Variants in SAMD3 observed in about 807,000 individuals in gnomAD.
SAMD3 encodes sterile alpha motif domain-containing protein 3.
SAMD3 carries 63 observed loss-of-function variants against 58.5 expected under a neutral mutation model. The ratio of observed to expected loss-of-function variants is 1.08; its 90% CI spans 0.88 to 1.33. The LOEUF (loss-of-function observed/expected upper bound fraction) is 1.33, where lower values mean the gene tolerates loss of function less well. SAMD3 is among the 40% of genes most tolerant of loss of function. The probability of loss-of-function intolerance (pLI) is 0.00; values close to 1 mark genes in which losing one functional copy is unlikely to be tolerated. For missense variants in SAMD3, 604 were observed against 608.4 expected (o/e 0.99, Z 0.08); for synonymous variants, 220 against 210.3 (o/e 1.05, Z -0.40).
Position 130,144,815 on chromosome 6 carries a change from G to A in SAMD3, c.1279-11C>T. The A allele has an allele frequency of 6.2e-7, 1 of 1,603,670 alleles. No homozygotes were observed. Among genetic ancestry groups the A allele is most frequent in the South Asian group, 1.1e-5 (1 of 89,188 alleles). On this transcript the variant is annotated splice_polypyrimidine_tract_variant and intron_variant, in intron 11 of 11. Transcript: ENST00000439090. ...TGTGGACACTTGCACCTGAAAAAAA[G>A]AGTGGAGTCATTACCATGATACGTA...
At chr6:130,236,504 T>C (rs77803699) in intron 2 of SAMD3, among the ~76,000 whole-genome samples, 21,709 of 151,856 alleles carry the variant, frequency 0.14, 1,779 homozygotes, top group East Asian at 0.36. Flanking sequence ...CTACCTCAGC[T>C]TCCTGAGTAG....
At chr6:130,168,741 A>T (rs927251231) in intron 8 of SAMD3, among the ~76,000 whole-genome samples, 1 of 152,190 alleles carries the variant, frequency 6.6e-6, no homozygotes, top group African/African-American at 2.4e-5. Context: ...CAGTTAAAAA[A>T]TTTTAAAAGG....
chr6:130,260,525 G>A (rs534515966), intron 2 of SAMD3, among the ~76,000 whole-genome samples: 2 of 152,346 alleles, frequency 1.3e-5, no homozygotes, highest in South Asian at 2.1e-4. Context: ...TGAGACAGGA[G>A]TCTTGCCAAT....
At chr6:130,341,321 T>C (rs568893800) in intron 1 of SAMD3, among the ~76,000 whole-genome samples, 24 of 152,356 alleles carry the variant, frequency 1.6e-4, no homozygotes, top group African/African-American at 5.3e-4. Flanking sequence ...TAATGACTTT[T>C]AGAATAAAGA....
At chr6:130,275,944 T>A (rs1774760504) in intron 2 of SAMD3, among the ~76,000 whole-genome samples, 1 of 152,152 alleles carries the variant, frequency 6.6e-6, no homozygotes, top group African/African-American at 2.4e-5. Flanking sequence ...ACCTAGAATC[T>A]ATGAATATGT....
intron 2 of SAMD3, among the ~76,000 whole-genome samples, chr6:130,237,794 T>C (rs1417516822): frequency 2.0e-5 from 3 of 152,152 alleles, no homozygotes; most frequent in Non-Finnish European, 4.4e-5. Context: ...AAATGCAACC[T>C]CCAAATTGAT....
At chr6:130,322,210 G>A (rs1269955410) in intron 1 of SAMD3, among the ~76,000 whole-genome samples, 3 of 152,178 alleles carry the variant, frequency 2.0e-5, no homozygotes, top group Admixed American at 6.5e-5. Context: ...CAGGGACAGA[G>A]GCGGAATCTG....
intron 7 of SAMD3, among the ~76,000 whole-genome samples, chr6:130,177,739 C>T (rs1364058872): frequency 6.6e-6 from 1 of 152,086 alleles, no homozygotes; most frequent in Non-Finnish European, 1.5e-5. Flanking sequence ...TCCTTCACTT[C>T]CTTCCTTCCT....
At chr6:130,264,406 A>G (rs1562487831) in intron 2 of SAMD3, among the ~76,000 whole-genome samples, 1 of 152,232 alleles carries the variant, frequency 6.6e-6, no homozygotes, top group Non-Finnish European at 1.5e-5. Context: ...GAGCTTATCA[A>G]TCAGTCAGCC....
intron 1 of SAMD3, among the ~76,000 whole-genome samples, chr6:130,345,667 T>C (rs961119919): frequency 2.6e-5 from 4 of 151,582 alleles, no homozygotes; most frequent in African/African-American, 9.7e-5. Context: ...CCTTGGCACC[T>C]GTTTATTGAA....
intron 2 of SAMD3, among the ~76,000 whole-genome samples, chr6:130,239,636 C>G (rs1392269868): frequency 6.6e-6 from 1 of 152,110 alleles, no homozygotes; most frequent in Non-Finnish European, 1.5e-5. Context: ...GAAGAACAAG[C>G]AAGCAACTGG....
intron 1 of SAMD3, among the ~76,000 whole-genome samples, chr6:130,218,659 G>T (rs1796101681): frequency 6.6e-6 from 1 of 152,198 alleles, no homozygotes; most frequent in African/African-American, 2.4e-5. Context: ...GCCAATCATG[G>T]TGGATGCTTT....
At chr6:130,224,178 G>C (rs1796318962), upstream of SAMD3, among the ~76,000 whole-genome samples, 1 of 152,130 alleles carries the variant, frequency 6.6e-6, no homozygotes, top group African/African-American at 2.4e-5. Context: ...TGTCCTGCCA[G>C]TCTGTCAGTG....
chr6:130,175,971 T>C lies in SAMD3; in HGVS notation c.692A>G (p.Tyr231Cys). The change falls in exon 8 of 12, where the codon TAT (tyrosine) becomes TGT (cysteine). Residue 231 changes from tyrosine to cysteine, a missense_variant. Tyr to Cys is a radical substitution (Grantham distance 194). Transcript: ENST00000439090. Reference protein sequence around the residue: ...WKRALKDRFKYVRRPIEDDEQ... With the variant: ...WKRALKDRFKCVRRPIEDDEQ... ...ATCATCTTCTATGGGTCTTCGAACA[T>C]ATTTAAAGCGATCTTTGAGGGCTCG... 1 of 1,613,450 alleles carries C rather than the reference T, an allele frequency of 6.2e-7. No homozygotes were observed. Among genetic ancestry groups the C allele is most frequent in the Non-Finnish European group, 8.5e-7 (1 of 1,179,778 alleles).
At chr6:130,307,240 A>C (rs181048447) in intron 2 of SAMD3, among the ~76,000 whole-genome samples, 2 of 152,386 alleles carry the variant, frequency 1.3e-5, no homozygotes, top group Admixed American at 1.3e-4. Flanking sequence ...TCACAAGGGC[A>C]TGAGATCTGT....
rs1009669876 is a variant in SAMD3 at position 130,184,726 on chromosome 6, G to C, written c.384-103C>G. 32 of 899,740 alleles carry C rather than the reference G, an allele frequency of 3.6e-5. No individual in the cohort carries two copies. The South Asian group carries it at 4.6e-4, about 13-fold the overall frequency. The allele number at this position is 899,740 out of a possible 1,614,324, so 55.7% of individuals were successfully genotyped here. On this transcript the variant is annotated intron_variant, in intron 5 of 11. Transcript: ENST00000439090. ...CTTATGAAATAAACAACTTTCCTGA[G>C]ACCCAAATATATGGAAGTCATCAAG...
intron 11 of SAMD3, 62 bp from the exon 12 acceptor site, chr6:130,144,866 A>C: frequency 7.2e-7 from 1 of 1,392,658 alleles, no homozygotes; most frequent in Non-Finnish European, 9.9e-7. Context: ...AAAACATCTG[A>C]ACTTAATCAT....
chr6:130,316,522 T>TA (rs1309828085), intron 1 of SAMD3, among the ~76,000 whole-genome samples: 3 of 152,124 alleles, frequency 2.0e-5, no homozygotes, highest in Non-Finnish European at 4.4e-5. Flanking sequence ...CATGAGGGCC[T>TA]ACTGCATTCA....
intron 1 of SAMD3, among the ~76,000 whole-genome samples, chr6:130,345,159 G>A (rs1362617077): frequency 6.6e-6 from 1 of 152,182 alleles, no homozygotes; most frequent in Non-Finnish European, 1.5e-5. Context: ...TTTCTGTTCT[G>A]GGGATCAGGG....
Sources: allele counts gnomAD v4.1 joint callset (sites outside exome capture counted in the v4.1 genomes callset), GRCh38; gene constraint gnomAD v4.1.1; transcripts MANE v1.5; gene names NCBI Gene and HGNC (gene_info 2026-07-23, HGNC 2026-07-21).